Variants in DMRT1 observed in about 807,000 individuals in gnomAD.
DMRT1 encodes doublesex- and mab-3-related transcription factor 1.
Under a neutral mutation model 32.3 loss-of-function variants are expected in DMRT1, and 7 were observed. That is an observed-to-expected ratio of 0.22 (90% CI 0.12 to 0.41). The LOEUF is 0.41. Ranked by LOEUF, DMRT1 falls within the 10% of genes least tolerant of loss-of-function variation. The pLI, the probability that DMRT1 is intolerant of heterozygous loss-of-function variation, is 1.00. For missense variants in DMRT1, 625 were observed against 500.5 expected, an observed-to-expected ratio of 1.25 and a Z score of -2.37; for synonymous variants, 278 against 206.1, an observed-to-expected ratio of 1.35 and a Z score of -2.99.
intron 3 of DMRT1, 64 bp downstream of exon 3, chr9:894,259 A>G: frequency 6.5e-7 from 1 of 1,545,750 alleles, no homozygotes; most frequent in South Asian, 1.1e-5. Flanking sequence ...GTGCACACAC[A>G]TGCACATACA....
chr9:931,451 C>T (rs1031393139), intron 4 of DMRT1, among the ~76,000 whole-genome samples: 7 of 152,170 alleles, frequency 4.6e-5, no homozygotes, highest in African/African-American at 7.2e-5. Context: ...GTTATTTTCC[C>T]GTTTTGTGCT....
intron 3 of DMRT1, among the ~76,000 whole-genome samples, chr9:900,164 C>CTGAGA (rs143489508): frequency 1.3e-5 from 2 of 151,922 alleles, no homozygotes; most frequent in East Asian, 1.9e-4. Context: ...CTAAACCTTT[C>CTGAGA]TACAGGTAGG....
intron 2 of DMRT1, among the ~76,000 whole-genome samples, chr9:885,067 G>A (rs140694232): frequency 1.4e-4 from 21 of 152,320 alleles, no homozygotes; most frequent in East Asian, 1.4e-3. Context: ...GTTTTAGAGC[G>A]TGTGAAGGAG....
At chr9:892,255 C>T (rs996943734) in intron 2 of DMRT1, among the ~76,000 whole-genome samples, 1 of 152,254 alleles carries the variant, frequency 6.6e-6, no homozygotes, top group East Asian at 1.9e-4. Flanking sequence ...CTGTTTTTCA[C>T]GCTCCAGGTC....
chr9:910,608 C>T (rs575528248), intron 3 of DMRT1, among the ~76,000 whole-genome samples: 9 of 151,314 alleles, frequency 5.9e-5, no homozygotes, highest in Non-Finnish European at 1.2e-4. Flanking sequence ...GTGGCTAACA[C>T]GTATAAAAGG....
chr9:843,320 C>A (rs1477057384), intron 1 of DMRT1, among the ~76,000 whole-genome samples: 2 of 152,250 alleles, frequency 1.3e-5, no homozygotes, highest in African/African-American at 2.4e-5. Flanking sequence ...CCCTGCGCGC[C>A]TGGGGCGCTT....
At chr9:889,999 G>C (rs1817076280) in intron 2 of DMRT1, among the ~76,000 whole-genome samples, 1 of 151,534 alleles carries the variant, frequency 6.6e-6, no homozygotes, top group Non-Finnish European at 1.5e-5. Flanking sequence ...AGCTCATAAG[G>C]CTTTTGTAAT....
intron 2 of DMRT1, among the ~76,000 whole-genome samples, chr9:882,579 C>G (rs950555955): frequency 6.6e-6 from 1 of 152,100 alleles, no homozygotes; most frequent in African/African-American, 2.4e-5. Context: ...TTGCTGCACA[C>G]AATGGATGGG....
chr9:906,483 A>G (rs954966165), intron 3 of DMRT1, among the ~76,000 whole-genome samples: 4 of 152,234 alleles, frequency 2.6e-5, no homozygotes, highest in African/African-American at 4.8e-5. Context: ...TGATAGGGCT[A>G]TATCTCTTGA....
In DMRT1 at chr9:858,870, AATAT is replaced by A. The variant is rs139337855; in HGVS notation, c.538+11748_538+11751del. ...GTCTGTCTCAAAAAAAAAAAAAAAA[AATAT>A]ATATATATATATATATATATTTATC... is the stretch of plus-strand genomic sequence containing the variant. On this transcript the variant is annotated intron_variant, in intron 2 of 4. Coordinates refer to ENST00000382276, the MANE Select transcript of DMRT1 (RefSeq NM_021951.3). Among the ~76,000 whole-genome samples, 154 of 48,054 alleles carry A rather than the reference AATAT, an allele frequency of 3.2e-3. 2 individuals are homozygous for A. The highest frequency in any genetic ancestry group is 9.1e-3 in the African/African-American group (109 of 12,008). 31.5% of individuals were successfully genotyped at this position (48,054 alleles called of 152,430 possible).
At chr9:917,120 T>C (rs1586614784) in intron 4 of DMRT1, among the ~76,000 whole-genome samples, 1 of 152,210 alleles carries the variant, frequency 6.6e-6, no homozygotes, top group Admixed American at 6.5e-5. Context: ...CCTTTCTGGA[T>C]TCCTAGAGTG....
chr9:868,507 A>G (rs1310147507), intron 2 of DMRT1, among the ~76,000 whole-genome samples: 2 of 152,206 alleles, frequency 1.3e-5, no homozygotes, highest in Non-Finnish European at 2.9e-5. Flanking sequence ...CAAACCTGGA[A>G]TCAAAAGGCC....
intron 3 of DMRT1, among the ~76,000 whole-genome samples, chr9:898,908 C>T (rs1344178846): frequency 6.6e-6 from 1 of 152,184 alleles, no homozygotes; most frequent in Non-Finnish European, 1.5e-5. Context: ...AGCCCATGAA[C>T]ATGGAATATC....
At chr9:879,141 TC>T (rs1816629945) in intron 2 of DMRT1, among the ~76,000 whole-genome samples, 1 of 152,024 alleles carries the variant, frequency 6.6e-6, no homozygotes, top group Non-Finnish European at 1.5e-5. Flanking sequence ...CTCAAATCAG[TC>T]CCCCTAAAAA....
At chr9:957,910 T>C (rs1385361532) in intron 4 of DMRT1, among the ~76,000 whole-genome samples, 1 of 152,194 alleles carries the variant, frequency 6.6e-6, no homozygotes, top group Non-Finnish European at 1.5e-5. Flanking sequence ...CTTGGGAGGC[T>C]GAGGCATGAG....
intron 3 of DMRT1, among the ~76,000 whole-genome samples, chr9:902,063 C>T (rs1817602987): frequency 6.6e-6 from 1 of 151,600 alleles, no homozygotes; most frequent in Non-Finnish European, 1.5e-5. Context: ...GCGTGCACCA[C>T]CACGCCCAGC....
chr9:934,121 T>C (rs1818811392), intron 4 of DMRT1, among the ~76,000 whole-genome samples: 1 of 152,212 alleles, frequency 6.6e-6, no homozygotes, highest in African/African-American at 2.4e-5. Flanking sequence ...ACTTGTCTTA[T>C]GGCCTTGGAG....
intron 3 of DMRT1, among the ~76,000 whole-genome samples, chr9:898,250 G>C (rs1817448396): frequency 6.6e-6 from 1 of 151,992 alleles, no homozygotes; most frequent in African/African-American, 2.4e-5. Context: ...CTCCCAAGTA[G>C]CTGGGATTAC....
chr9:863,282 C>A (rs1470671818), intron 2 of DMRT1, among the ~76,000 whole-genome samples: 1 of 147,870 alleles, frequency 6.8e-6, no homozygotes, highest in Non-Finnish European at 1.5e-5. Flanking sequence ...CATGCCACTG[C>A]ATTTCAGCCT....
Sources: allele counts gnomAD v4.1 joint callset (sites outside exome capture counted in the v4.1 genomes callset), GRCh38; gene constraint gnomAD v4.1.1; transcripts MANE v1.5; gene names NCBI Gene and HGNC (gene_info 2026-07-23, HGNC 2026-07-21).